The following SLC30A10 variants were observed in gnomAD, a reference collection of about 807,000 sequenced individuals.
The protein encoded by SLC30A10 is calcium/manganese antiporter SLC30A10.
A neutral mutation model predicts 21.7 loss-of-function variants in SLC30A10; 8 were observed. The ratio of observed to expected loss-of-function variants is 0.37; its 90% CI spans 0.22 to 0.67. SLC30A10 has a LOEUF of 0.67. Ranked by LOEUF, SLC30A10 falls within the 30% of genes least tolerant of loss-of-function variation. The pLI is 0.58. For synonymous variants in SLC30A10, 272 were observed against 279.4 expected (o/e 0.97, Z 0.26); for missense variants, 521 against 642.5 (o/e 0.81, Z 2.04).
intron 2 of SLC30A10, among the ~76,000 whole-genome samples, chr1:219,926,674 A>C (rs1418505135): frequency 1.3e-5 from 2 of 152,098 alleles, no homozygotes; most frequent in African/African-American, 4.8e-5. Flanking sequence ...CAGCTCACCT[A>C]CTCTTTTCCT....
intron 2 of SLC30A10, among the ~76,000 whole-genome samples, chr1:219,925,180 C>A (rs1659784159): frequency 6.6e-6 from 1 of 152,164 alleles, no homozygotes; most frequent in African/African-American, 2.4e-5. Context: ...AGGGCCTACT[C>A]TTCTTCTTCT....
chr1:219,942,989 G>A (rs1479044919), intron 1 of SLC30A10, among the ~76,000 whole-genome samples: 2 of 152,184 alleles, frequency 1.3e-5, no homozygotes, highest in Non-Finnish European at 2.9e-5. Context: ...AGGTTTCGAT[G>A]AGCTGAGATC....
chr1:219,925,904 G>A (rs1659813104), intron 2 of SLC30A10, among the ~76,000 whole-genome samples: 1 of 151,338 alleles, frequency 6.6e-6, no homozygotes, highest in Non-Finnish European at 1.5e-5. Flanking sequence ...CAGGTGATCT[G>A]CCCACCTCAG....
rs1659526740 is a variant in SLC30A10 at position 219,915,838 on chromosome 1, T to C, written c.1069A>G (p.Arg357Gly). Residue 357 changes from arginine to glycine, a missense_variant, in exon 4 of 4, where the codon AGG (arginine) becomes GGG (glycine). Arg to Gly is a moderately radical substitution (Grantham distance 125). Coordinates refer to ENST00000366926, the MANE Select transcript of SLC30A10 (RefSeq NM_018713.3). Reference protein sequence around the residue: ...ATLHIKYPKDRGYQDASTKIR... With the variant: ...ATLHIKYPKDGGYQDASTKIR... The stretch of plus-strand genomic sequence containing the variant: ...TTTGTGCTGGCATCTTGATATCCCC[T>C]GTCCTTAGGATACTTGATGTGCAGG... 5 of 1,614,136 alleles carry C rather than the reference T, an allele frequency of 3.1e-6. No homozygotes were observed. Among genetic ancestry groups the C allele is most frequent in the African/African-American group, 1.3e-5 (1 of 74,942 alleles).
intron 1 of SLC30A10, among the ~76,000 whole-genome samples, chr1:219,950,937 A>G (rs1391325101): frequency 6.6e-6 from 1 of 152,170 alleles, no homozygotes; most frequent in African/African-American, 2.4e-5. Flanking sequence ...GACAAGAGCA[A>G]AACTCCGTCT....
chr1:219,953,153 G>A (rs1451902197), intron 1 of SLC30A10, among the ~76,000 whole-genome samples: 1 of 152,148 alleles, frequency 6.6e-6, no homozygotes, highest in Non-Finnish European at 1.5e-5. Flanking sequence ...TAGACAAAAT[G>A]CAAAGTAAAG....
At chr1:219,948,794 G>A (rs1005268616) in intron 1 of SLC30A10, among the ~76,000 whole-genome samples, 12 of 152,012 alleles carry the variant, frequency 7.9e-5, no homozygotes, top group South Asian at 2.1e-4. Flanking sequence ...CTTCTGCACC[G>A]CAAAAGAAAC....
intron 1 of SLC30A10, among the ~76,000 whole-genome samples, chr1:219,943,661 T>A (rs1043724994): frequency 1.3e-5 from 2 of 152,158 alleles, no homozygotes; most frequent in South Asian, 4.1e-4. Flanking sequence ...AGTTTTAAAG[T>A]AGACATCATA....
At position 219,918,132 on chromosome 1, in the gene SLC30A10, C is replaced by G; in HGVS notation, c.958+123G>C. 7.8e-7 allele frequency: 1 copy of G among 1,274,208 alleles called. No individual in the cohort carries two copies. The highest frequency in any genetic ancestry group is 1.1e-6 in the Non-Finnish European group (1 of 911,804). The allele number at this position is 1,274,208 out of a possible 1,614,324, so 78.9% of individuals were successfully genotyped here. ...ATAAAACATATGATGACATCTCTAC[C>G]ACCTGGTGATTTAAGGTGTTTCAGA... On this transcript the variant is annotated intron_variant, in intron 3 of 3. Transcript: ENST00000366926. The surrounding 1 kb of genome is among the most constrained non-coding windows in gnomAD (Gnocchi z 4.4).
Position 219,911,158 on chromosome 1 carries a change from T to TTGTTTTTTTTG in SLC30A10, c.*4290_*4291insCAAAAAAAACA, listed in dbSNP as rs1356027383. Among the ~76,000 whole-genome samples, 19 of 106,950 alleles carry TTGTTTTTTTTG rather than the reference T, an allele frequency of 1.8e-4. 2 individuals are homozygous for TTGTTTTTTTTG. Among genetic ancestry groups the TTGTTTTTTTTG allele is most frequent in the Admixed American group, 5.1e-4 (5 of 9,886 alleles). 70.2% of individuals were successfully genotyped at this position (106,950 alleles called of 152,430 possible). A position where few individuals can be genotyped will look rare whatever the true frequency, so the allele number is the denominator to read the frequency against. On this transcript the variant is annotated 3_prime_UTR_variant, in exon 4 of 4. Coordinates refer to ENST00000366926, the MANE Select transcript of SLC30A10 (RefSeq NM_018713.3). ...CATTTTTTCTACATCAGTTTTTTTT[T>TTGTTTTTTTTG]TTTTTTTTTTTTTTTTGCAGTCTTT... is the stretch of plus-strand genomic sequence containing the variant.
chr1:219,933,311 A>T (rs912304681), upstream of SLC30A10, among the ~76,000 whole-genome samples: 1 of 152,338 alleles, frequency 6.6e-6, no homozygotes, highest in African/African-American at 2.4e-5. Context: ...TGTTAGGAGC[A>T]CGAGCATAGC....
upstream of SLC30A10, among the ~76,000 whole-genome samples, chr1:219,931,659 T>G (rs1659971409): frequency 6.6e-6 from 1 of 152,050 alleles, no homozygotes; most frequent in African/African-American, 2.4e-5. Context: ...TTTTGTACTT[T>G]TAGTAGAGAT....
At position 219,927,687 on chromosome 1, in the gene SLC30A10, A is replaced by AAAC. The variant is rs1553313739; in HGVS notation, c.640+113_640+114insGTT. 11,247 of 632,838 alleles carry AAAC rather than the reference A, an allele frequency of 0.018. 1,616 individuals carry two copies. Among genetic ancestry groups the AAAC allele is most frequent in the African/African-American group, 0.04 (1,540 of 38,922 alleles). The allele number at this position is 632,838 out of a possible 1,614,324, so 39.2% of individuals were successfully genotyped here. A position where few individuals can be genotyped will look rare whatever the true frequency, so the allele number is the denominator to read the frequency against. ...AAAAAAACAACAACAACAAAAAAAA[A>AAAC]AAAACAGAAAAAAAGCATGCAGAAG... is the stretch of plus-strand genomic sequence containing the variant. On this transcript the variant is annotated intron_variant, in intron 1 of 3. Transcript: ENST00000366926.
Position 219,914,361 on chromosome 1 carries a change from C to G in SLC30A10, c.*1088G>C, listed in dbSNP as rs2275706. On this transcript the variant is annotated 3_prime_UTR_variant, in exon 4 of 4. Coordinates refer to ENST00000366926, the MANE Select transcript of SLC30A10 (RefSeq NM_018713.3). ...AAGAAAATTTTAAGTTCCTCAAAAACACATTAAAGGCAGCAATTAAGCTAA... is the reference window on the plus strand; with the variant it reads ...AAGAAAATTTTAAGTTCCTCAAAAAGACATTAAAGGCAGCAATTAAGCTAA... 83 of 152,258 alleles carry G rather than the reference C, an allele frequency of 5.5e-4. No individual in the cohort carries two copies. Among genetic ancestry groups the G allele is most frequent in the African/African-American group, 2.0e-3 (82 of 41,554 alleles). The allele number at this position is 152,258 out of a possible 1,614,324, so 9.4% of individuals were successfully genotyped here.
intron 1 of SLC30A10, among the ~76,000 whole-genome samples, chr1:219,947,864 A>T (rs142306393): frequency 0.012 from 1,788 of 152,106 alleles, 40 homozygotes; most frequent in African/African-American, 0.042. Context: ...TAAAAACCCC[A>T]TTGTCTCAGC....
chr1:219,923,433 C>T (rs1365681734), intron 2 of SLC30A10, among the ~76,000 whole-genome samples: 26 of 152,162 alleles, frequency 1.7e-4, no homozygotes, highest in Admixed American at 1.6e-3. Context: ...CTTAGGAAAG[C>T]CATCAGTGCT....
chr1:219,950,955 A>G (rs899043557), intron 1 of SLC30A10, among the ~76,000 whole-genome samples: 16 of 152,280 alleles, frequency 1.1e-4, no homozygotes, highest in Non-Finnish European at 2.2e-4. Context: ...TCTCAAAAAT[A>G]AATAAATAAA....
chr1:219,936,523 C>T (rs1486308648), intron 1 of SLC30A10, among the ~76,000 whole-genome samples: 4 of 152,288 alleles, frequency 2.6e-5, no homozygotes. Context: ...ATCACAGTCC[C>T]TCATGCCCTG....
chr1:219,928,172 G>A lies in SLC30A10; in HGVS notation c.269C>T (p.Thr90Ile), dbSNP rs554675480. ...VGALSNAVFLTALCFTIFVEA... is the reference protein window; with the variant it reads ...VGALSNAVFLIALCFTIFVEA... ...CACGAAGATGGTGAAGCAGAGCGCG[G>A]TGAGGAAGACCGCGTTGCTCAGCGC... The change falls in exon 1 of 4, where the codon ACC (threonine) becomes ATC (isoleucine). Residue 90 changes from threonine to isoleucine, a missense_variant. By Grantham distance (89) the Thr-to-Ile change is moderately conservative (BLOSUM62 -1). Transcript: ENST00000366926. The surrounding 1 kb of genome is among the most constrained non-coding windows in gnomAD (Gnocchi z 6.3). The A allele has an allele frequency of 2.2e-4, 342 of 1,559,910 alleles. No homozygotes were observed. In the Middle Eastern group the frequency reaches 2.5e-3, roughly 11 times the overall value.
Sources: allele counts gnomAD v4.1 joint callset (sites outside exome capture counted in the v4.1 genomes callset), GRCh38; gene constraint gnomAD v4.1.1; non-coding constraint Gnocchi (gnomAD v3.1); transcripts MANE v1.5; gene names NCBI Gene and HGNC (gene_info 2026-07-23, HGNC 2026-07-21).